PALM: variants seen among roughly 807,000 people sequenced by gnomAD.
PALM encodes the protein paralemmin-1.
PALM carries 18 observed loss-of-function variants against 30.7 expected under a neutral mutation model. The ratio of observed to expected loss-of-function variants is 0.59; its 90% confidence interval spans 0.41 to 0.87. The LOEUF is 0.87. PALM is among the 40% of genes least tolerant of loss of function. The pLI, the probability that PALM is intolerant of heterozygous loss-of-function variation, is 0.00. For synonymous variants in PALM, 286 were observed against 242.8 expected (o/e 1.18, Z -1.66); for missense variants, 529 against 555.4 (o/e 0.95, Z 0.48).
chr19:731,383 C>T (rs577489555), intron 5 of PALM, 138 bp downstream of exon 5: 10 of 845,898 alleles, frequency 1.2e-5, no homozygotes, highest in African/African-American at 3.5e-5. Context: ...TCCAGCTCAC[C>T]GGAGCCACTT....
chr19:727,735 C>T (rs746969769), intron 4 of PALM, 41 bp downstream of exon 4: 2 of 1,502,238 alleles, frequency 1.3e-6, no homozygotes, highest in South Asian at 2.6e-5. Context: ...TGGGTGGGGC[C>T]TCGGGGGCCG....
chr19:722,244 C>T (rs1427620704), intron 1 of PALM, among the ~76,000 whole-genome samples: 2 of 152,160 alleles, frequency 1.3e-5, no homozygotes, highest in African/African-American at 4.8e-5. Flanking sequence ...GAGACAAAGT[C>T]TTGCTCTGTC....
intron 8 of PALM, among the ~76,000 whole-genome samples, chr19:744,896 A>AT (rs753626778): frequency 6.7e-6 from 1 of 148,676 alleles, no homozygotes; most frequent in Non-Finnish European, 1.5e-5. Flanking sequence ...AAAAAAAAAA[A>AT]GCAGCAGGCA....
intron 1 of PALM, among the ~76,000 whole-genome samples, chr19:711,606 G>A (rs931677657): frequency 6.6e-6 from 1 of 152,222 alleles, no homozygotes; most frequent in Admixed American, 6.5e-5. Flanking sequence ...TTAATAACAA[G>A]CTTTTACTTC....
intron 6 of PALM, 147 bp downstream of exon 6, chr19:734,341 C>T: frequency 1.4e-6 from 1 of 713,830 alleles, no homozygotes; most frequent in Admixed American, 2.5e-5. Context: ...GGGTAGATCT[C>T]CTGAGGTCAG....
At chr19:720,007 C>A (rs1390396317) in intron 1 of PALM, among the ~76,000 whole-genome samples, 1 of 152,062 alleles carries the variant, frequency 6.6e-6, no homozygotes, top group African/African-American at 2.4e-5. Context: ...CGGGTCCACA[C>A]CCCTCCCGGA....
intron 7 of PALM, among the ~76,000 whole-genome samples, chr19:736,582 G>C (rs964269233): frequency 1.3e-5 from 2 of 152,154 alleles, no homozygotes; most frequent in Admixed American, 6.5e-5. Flanking sequence ...AGTGCCACAC[G>C]GTGCTCAAGT....
rs2144880814 is a variant in PALM, at chr19:727,108, C to T, written c.138+20C>T. 6.6e-7 allele frequency: 1 copy of T among 1,509,410 alleles called. No individual in the cohort carries two copies. Among genetic ancestry groups the T allele is most frequent in the Non-Finnish European group, 9.0e-7 (1 of 1,110,222 alleles). 93.5% of individuals were successfully genotyped at this position (1,509,410 alleles called of 1,614,324 possible). On this transcript the variant is annotated intron_variant, in intron 3 of 8. Transcript: ENST00000338448. ...CTGAAGGTACGAGCGGGGCAGGGAC[C>T]CAGGGTCAGGGAGTGCAGGCGGCTG...
chr19:718,268 A>T (rs1162605691), intron 1 of PALM, among the ~76,000 whole-genome samples: 2 of 152,186 alleles, frequency 1.3e-5, no homozygotes, highest in Non-Finnish European at 2.9e-5. Flanking sequence ...AGGACAGAAG[A>T]GGCCTAAATG....
At chr19:738,745 G>A (rs1377775785) in intron 7 of PALM, among the ~76,000 whole-genome samples, 2 of 152,184 alleles carry the variant, frequency 1.3e-5, no homozygotes, top group Non-Finnish European at 2.9e-5. Flanking sequence ...GCAGAGTCCA[G>A]GGCCGCAGCC....
intron 3 of PALM, among the ~76,000 whole-genome samples, 188 bp from the exon 4 acceptor site, chr19:727,376 T>C (rs2144882435): frequency 6.8e-6 from 1 of 146,750 alleles, no homozygotes; most frequent in East Asian, 2.1e-4. Context: ...TGACCTTGAC[T>C]CTGACCCAGA....
intron 1 of PALM, among the ~76,000 whole-genome samples, chr19:717,777 G>T (rs552685518): frequency 3.9e-5 from 6 of 152,152 alleles, no homozygotes; most frequent in Non-Finnish European, 7.4e-5. Flanking sequence ...CTCTGGGTGG[G>T]GGCTTCCTCT....
At chr19:711,066 G>A (rs115537941) in intron 1 of PALM, 145 of 410,604 alleles carry the variant, frequency 3.5e-4, no homozygotes, top group Admixed American at 2.4e-3. Flanking sequence ...TGCCCGTCTC[G>A]CTGGAAAGTT....
At chr19:730,678 C>A (rs983805542) in intron 4 of PALM, among the ~76,000 whole-genome samples, 20 of 152,130 alleles carry the variant, frequency 1.3e-4, no homozygotes, top group African/African-American at 4.3e-4. Flanking sequence ...GAGCACGATG[C>A]CTCTTGGGGC....
At chr19:715,299 T>G (rs1316257408) in intron 1 of PALM, among the ~76,000 whole-genome samples, 1 of 152,178 alleles carries the variant, frequency 6.6e-6, no homozygotes, top group African/African-American at 2.4e-5. Context: ...TATCACCTTT[T>G]TCTGAGTGTG....
intron 1 of PALM, among the ~76,000 whole-genome samples, chr19:720,798 A>G (rs1226217829): frequency 6.6e-6 from 1 of 152,092 alleles, no homozygotes; most frequent in Non-Finnish European, 1.5e-5. Flanking sequence ...GGAGGCGGCC[A>G]CACAGCCACA....
chr19:746,223 G>T lies in PALM; in HGVS notation c.635-62G>T. On this transcript the variant is annotated intron_variant, in intron 8 of 8. Transcript: ENST00000338448. This position sits in a 1 kb window ranked among gnomAD's most constrained non-coding sequence, Gnocchi z 7.1. Reference sequence around the variant, plus strand: ...CAAGGTTTCCCTCCTGCCTGAGCCAGGTCACTCTCTCTGTCCCTCCTGCCT... The same window carrying T: ...CAAGGTTTCCCTCCTGCCTGAGCCATGTCACTCTCTCTGTCCCTCCTGCCT... The T allele has an allele frequency of 2.2e-6, 3 of 1,384,240 alleles. No individual in the cohort carries two copies. In the South Asian group the frequency reaches 3.6e-5, roughly 17 times the overall value. 85.7% of individuals were successfully genotyped at this position (1,384,240 alleles called of 1,614,324 possible). A position where few individuals can be genotyped will look rare whatever the true frequency, so the allele number is the denominator to read the frequency against.
intron 1 of PALM, chr19:719,046 A>C: frequency 3.5e-6 from 3 of 846,418 alleles, no homozygotes; most frequent in Non-Finnish European, 4.3e-6. Flanking sequence ...ACCCCCCACA[A>C]TGGCCAAGGT....
At chr19:726,257 C>A in intron 2 of PALM, 68 bp downstream of exon 2, 2 of 1,343,864 alleles carry the variant, frequency 1.5e-6, no homozygotes, top group Non-Finnish European at 2.1e-6. Context: ...GGGTCTCGGG[C>A]CCTGGACCTG....
Sources: gnomAD v4.1 joint callset for allele counts (sites outside exome capture counted in the v4.1 genomes callset) on GRCh38, gnomAD v4.1.1 for gene constraint, Gnocchi (gnomAD v3.1) non-coding constraint, MANE v1.5 for transcripts, NCBI Gene and HGNC (gene_info 2026-07-23, HGNC 2026-07-21) for gene names.